ASZ1: variants seen among roughly 807,000 people sequenced by gnomAD.
ASZ1 encodes ankyrin repeat, SAM and basic leucine zipper domain-containing protein 1.
A neutral mutation model predicts 61.8 loss-of-function variants in ASZ1; 67 were observed. The ratio of observed to expected loss-of-function variants is 1.08; its 90% CI spans 0.89 to 1.33. The LOEUF (loss-of-function observed/expected upper bound fraction) is 1.33, where lower values mean the gene tolerates loss of function less well. Among genes scored for constraint, ASZ1 ranks in the 40% most tolerant of loss-of-function variants. The pLI is 0.00. For missense variants in ASZ1, 577 were observed against 554.5 expected, an observed-to-expected ratio of 1.04 and a Z score of -0.41; for synonymous variants, 193 against 192.7, an observed-to-expected ratio of 1.00 and a Z score of -0.01.
At chr7:117,380,089 T>C in intron 9 of ASZ1, 42 bp from the exon 10 acceptor site, 2 of 1,310,224 alleles carry the variant, frequency 1.5e-6, no homozygotes, top group Non-Finnish European at 2.1e-6. Context: ...TTAGTTATAC[T>C]TGAGTAATTT....
At chr7:117,409,147 AG>A (rs1159075050) in intron 4 of ASZ1, among the ~76,000 whole-genome samples, 2 of 152,046 alleles carry the variant, frequency 1.3e-5, no homozygotes, top group Non-Finnish European at 2.9e-5. Context: ...AAAGAAGGAA[AG>A]GGAATATGAT....
At chr7:117,414,950 C>A (rs1337969207) in intron 4 of ASZ1, among the ~76,000 whole-genome samples, 2 of 144,784 alleles carry the variant, frequency 1.4e-5, no homozygotes, top group Admixed American at 6.6e-5. Context: ...CATATGTGTG[C>A]ACATGTCTTT....
At chr7:117,426,389 G>A (rs1273007501) in intron 2 of ASZ1, among the ~76,000 whole-genome samples, 4 of 148,814 alleles carry the variant, frequency 2.7e-5, no homozygotes, top group African/African-American at 7.4e-5. Flanking sequence ...ACTCAGGAGG[G>A]TGAGGCAGGA....
rs1796830857 is a variant in ASZ1, at chr7:117,408,335, A to G, written c.440+11828T>C. Among the ~76,000 whole-genome samples the G allele has an allele frequency of 2.6e-5, 4 of 152,162 alleles. No homozygotes were observed. The South Asian group carries it at 8.3e-4, about 31-fold the overall frequency. On this transcript the variant is annotated intron_variant, in intron 4 of 12. Transcript: ENST00000284629. ...TTAAGACCAAATATTTTAACCAAAC[A>G]TGCTTTATATCATTCAAAAGATCAC...
At chr7:117,366,473 T>C (rs930665656) in intron 12 of ASZ1, among the ~76,000 whole-genome samples, 1 of 152,060 alleles carries the variant, frequency 6.6e-6, no homozygotes, top group African/African-American at 2.4e-5. Context: ...AAAAGCTTTA[T>C]AGACATCAAA....
rs867756032 is a variant in ASZ1, at chr7:117,368,668, G to A, written c.1105C>T (p.His369Tyr). Residue 369 changes from histidine (H) to tyrosine (Y), a missense_variant, in exon 11 of 13, where the codon CAT becomes TAT. His to Tyr is a moderately conservative substitution (Grantham distance 83). Coordinates refer to ENST00000284629, the MANE Select transcript of ASZ1 (RefSeq NM_130768.3). ...ACATTCTGTACAGCTGTTATTAAAT[G>A]GCCACACTGTTTATTTAATTTGAGA... ...FLLKLNKQCG[H>Y]LITAVQNVIT... 1 of 1,612,766 alleles carries A rather than the reference G, an allele frequency of 6.2e-7. No homozygotes were observed. Among genetic ancestry groups the A allele is most frequent in the African/African-American group, 1.3e-5 (1 of 74,930 alleles).
At chr7:117,402,087 C>T (rs895293559) in intron 4 of ASZ1, among the ~76,000 whole-genome samples, 1 of 152,114 alleles carries the variant, frequency 6.6e-6, no homozygotes, top group East Asian at 1.9e-4. Context: ...AACGAACATA[C>T]TAGAAATCAT....
chr7:117,422,132 A>C (rs1430040099), intron 3 of ASZ1, 105 bp downstream of exon 3: 2 of 1,241,738 alleles, frequency 1.6e-6, no homozygotes, highest in Non-Finnish European at 2.2e-6. Context: ...ATGAATAGAA[A>C]GGTTACTTCA....
intron 4 of ASZ1, among the ~76,000 whole-genome samples, chr7:117,405,522 G>A (rs1796765669): frequency 6.6e-6 from 1 of 152,164 alleles, no homozygotes; most frequent in Admixed American, 6.5e-5. Flanking sequence ...ACCTTTTGAT[G>A]TTATGAGGGC....
At chr7:117,410,727 C>T (rs1584739346) in intron 4 of ASZ1, among the ~76,000 whole-genome samples, 1 of 150,206 alleles carries the variant, frequency 6.7e-6, no homozygotes, top group East Asian at 1.9e-4. Flanking sequence ...AAGCCTTTTT[C>T]CTAAAAGATG....
intron 3 of ASZ1, 120 bp downstream of exon 3, chr7:117,422,117 G>C (rs1270611081): frequency 2.8e-5 from 30 of 1,064,494 alleles, no homozygotes; most frequent in Non-Finnish European, 3.7e-5. Flanking sequence ...TATTTACATA[G>C]TATAATGAAT....
intron 12 of ASZ1, among the ~76,000 whole-genome samples, chr7:117,365,487 C>T (rs1795918192): frequency 6.6e-6 from 1 of 152,052 alleles, no homozygotes; most frequent in South Asian, 2.1e-4. Context: ...ATACACACAC[C>T]CTTACCCCTC....
chr7:117,420,811 G>A (rs1400541136), intron 3 of ASZ1, among the ~76,000 whole-genome samples: 1 of 152,118 alleles, frequency 6.6e-6, no homozygotes, highest in Non-Finnish European at 1.5e-5. Flanking sequence ...CTCTCATGGT[G>A]CCAGCAAAGA....
intron 4 of ASZ1, among the ~76,000 whole-genome samples, chr7:117,394,834 A>G: frequency 6.6e-6 from 1 of 152,188 alleles, no homozygotes; most frequent in East Asian, 1.9e-4. Flanking sequence ...CTACACAAAT[A>G]CTTAGTTTTA....
At chr7:117,410,715 G>C (rs1196646760) in intron 4 of ASZ1, among the ~76,000 whole-genome samples, 1 of 151,028 alleles carries the variant, frequency 6.6e-6, no homozygotes, top group Non-Finnish European at 1.5e-5. Flanking sequence ...ACAGGGTATG[G>C]AAAGCCTTTT....
At chr7:117,415,171 A>G (rs773829270) in intron 4 of ASZ1, among the ~76,000 whole-genome samples, 9 of 152,150 alleles carry the variant, frequency 5.9e-5, no homozygotes, top group African/African-American at 2.2e-4. Flanking sequence ...TGACTTTTTA[A>G]TGATCGCCAT....
At chr7:117,418,377 G>A (rs771598016) in intron 4 of ASZ1, among the ~76,000 whole-genome samples, 58 of 152,250 alleles carry the variant, frequency 3.8e-4, no homozygotes, top group South Asian at 4.2e-4. Context: ...GTTTGAGGCC[G>A]GGTGCGGTGG....
rs186067529 is a variant in ASZ1, at chr7:117,381,175, C to T, written c.889-108G>A. ...ACTTGCTTCACTCTGAAGCAAATTCCAATTTTCTAGAGGGGACAGGATATA... is the reference window on the plus strand; with the variant it reads ...ACTTGCTTCACTCTGAAGCAAATTCTAATTTTCTAGAGGGGACAGGATATA... On this transcript the variant is annotated intron_variant, in intron 8 of 12. Transcript: ENST00000284629. 2.9e-5 allele frequency: 27 copies of T among 945,228 alleles called. No individual in the cohort carries two copies. The African/African-American group carries it at 4.1e-4, about 14-fold the overall frequency. 58.6% of individuals were successfully genotyped at this position (945,228 alleles called of 1,614,324 possible).
At chr7:117,410,043 A>G (rs1796861593) in intron 4 of ASZ1, among the ~76,000 whole-genome samples, 1 of 151,720 alleles carries the variant, frequency 6.6e-6, no homozygotes, top group South Asian at 2.1e-4. Flanking sequence ...TTTTATGTAG[A>G]TAATTTATTT....
Sources: allele counts gnomAD v4.1 joint callset (sites outside exome capture counted in the v4.1 genomes callset), GRCh38; gene constraint gnomAD v4.1.1; transcripts MANE v1.5; gene names NCBI Gene and HGNC (gene_info 2026-07-23, HGNC 2026-07-21).